The following ITFG1 variants were observed in gnomAD, a reference collection of about 807,000 sequenced individuals.
The protein encoded by ITFG1 is integrin alpha FG-GAP repeat containing 1, also known as T-cell immunomodulatory protein.
A neutral mutation model predicts 81.8 loss-of-function variants in ITFG1; 34 were observed. That is an observed-to-expected ratio of 0.42 (90% CI 0.32 to 0.55). ITFG1 has a LOEUF of 0.55. Ranked by LOEUF, ITFG1 falls within the 20% of genes least tolerant of loss-of-function variation. ITFG1 has a pLI of 0.17. For missense variants in ITFG1, 672 were observed against 755.4 expected, an observed-to-expected ratio of 0.89 and a Z score of 1.29; for synonymous variants, 285 against 270.6, an observed-to-expected ratio of 1.05 and a Z score of -0.52.
intron 6 of ITFG1, among the ~76,000 whole-genome samples, chr16:47,414,270 T>TA (rs1194226053): frequency 2.6e-5 from 4 of 151,670 alleles, no homozygotes; most frequent in South Asian, 2.1e-4. Context: ...TTTTTTTTTT[T>TA]ATCCCAGTTC....
intron 10 of ITFG1, among the ~76,000 whole-genome samples, chr16:47,264,545 T>TACACAC (rs60424367): frequency 0.016 from 2,118 of 136,092 alleles, 35 homozygotes; most frequent in African/African-American, 0.036. Context: ...TGTTCTCTAT[T>TACACAC]ACACACACAC....
intron 8 of ITFG1, among the ~76,000 whole-genome samples, chr16:47,325,378 A>G (rs1172923130): frequency 1.3e-5 from 2 of 152,250 alleles, no homozygotes; most frequent in African/African-American, 4.8e-5. Flanking sequence ...AGCAGGAAAG[A>G]TCTAAAATTG....
rs577367150 is a variant in ITFG1 at position 47,443,224 on chromosome 16, T to C, written c.560+8172A>G. Among the ~76,000 whole-genome samples the C allele has an allele frequency of 1.1e-4, 17 of 152,152 alleles. No homozygotes were observed. The South Asian group carries it at 2.9e-3, about 26-fold the overall frequency. The stretch of plus-strand genomic sequence containing the variant: ...TACCATTTCATACCAGGTAGAATGG[T>C]GATCATTAAAAAGTCAGGAAACAAC... On this transcript the variant is annotated intron_variant, in intron 5 of 17. Coordinates refer to ENST00000320640, the MANE Select transcript of ITFG1 (RefSeq NM_030790.5).
intron 5 of ITFG1, among the ~76,000 whole-genome samples, chr16:47,450,685 A>C (rs962368038): frequency 2.8e-4 from 43 of 152,348 alleles, no homozygotes; most frequent in African/African-American, 1.0e-3. Context: ...AAAAGTAAAT[A>C]AATGTGTTCT....
At chr16:47,418,358 G>A (rs1968899126) in intron 6 of ITFG1, among the ~76,000 whole-genome samples, 1 of 151,954 alleles carries the variant, frequency 6.6e-6, no homozygotes, top group African/African-American at 2.4e-5. Context: ...TTTCCTTTGA[G>A]GTGCAGAAGC....
At position 47,314,696 on chromosome 16, in the gene ITFG1, T is replaced by G. The variant is rs533221570; in HGVS notation, c.803-873A>C. Reference sequence around the variant, plus strand: ...TTTTGATGTCGCAGAGTTAAGTCTCTTTATGTGGACATTCACAATGCACAG... The same window carrying G: ...TTTTGATGTCGCAGAGTTAAGTCTCGTTATGTGGACATTCACAATGCACAG... On this transcript the variant is annotated intron_variant, in intron 8 of 17. Transcript: ENST00000320640. Among the ~76,000 whole-genome samples the G allele has an allele frequency of 2.0e-5, 3 of 152,324 alleles. No individual in the cohort carries two copies. In the East Asian group the frequency reaches 5.8e-4, roughly 29 times the overall value.
At chr16:47,410,428 T>C (rs988755058) in intron 6 of ITFG1, among the ~76,000 whole-genome samples, 1 of 151,686 alleles carries the variant, frequency 6.6e-6, no homozygotes, top group Non-Finnish European at 1.5e-5. Flanking sequence ...AAATAAGATA[T>C]AGAGTGATTC....
intron 8 of ITFG1, among the ~76,000 whole-genome samples, chr16:47,353,303 T>C (rs577267118): frequency 3.9e-5 from 6 of 151,990 alleles, no homozygotes; most frequent in South Asian, 2.1e-4. Context: ...ATAAATGAGA[T>C]TGACAATAAT....
At chr16:47,291,123 C>A (rs1966899984) in intron 10 of ITFG1, among the ~76,000 whole-genome samples, 2 of 151,996 alleles carry the variant, frequency 1.3e-5, no homozygotes, top group African/African-American at 4.8e-5. Context: ...TTCTCTCTCT[C>A]TCTGCTGAAC....
At chr16:47,222,720 AGT>A (rs1187658051) in intron 13 of ITFG1, among the ~76,000 whole-genome samples, 2 of 152,134 alleles carry the variant, frequency 1.3e-5, no homozygotes, top group African/African-American at 4.8e-5. Flanking sequence ...GCCTTGAGTG[AGT>A]TTCTTAATCC....
intron 14 of ITFG1, among the ~76,000 whole-genome samples, chr16:47,182,542 T>A (rs1965140867): frequency 6.6e-6 from 1 of 152,230 alleles, no homozygotes; most frequent in South Asian, 2.1e-4. Context: ...TTAGTGAATG[T>A]ACACTGTATG....
At chr16:47,163,039 T>C (rs1964833633) in intron 14 of ITFG1, among the ~76,000 whole-genome samples, 1 of 152,186 alleles carries the variant, frequency 6.6e-6, no homozygotes, top group African/African-American at 2.4e-5. Flanking sequence ...TGGGCTCAAG[T>C]GATCCCCCTG....
chr16:47,451,637 T>A (rs1338316677), intron 4 of ITFG1, among the ~76,000 whole-genome samples, 167 bp from the exon 5 acceptor site: 1 of 152,146 alleles, frequency 6.6e-6, no homozygotes, highest in Non-Finnish European at 1.5e-5. Context: ...ATGTGTCACT[T>A]TTAGGCCAAA....
At chr16:47,160,895 T>C (rs1181648968) in intron 16 of ITFG1, among the ~76,000 whole-genome samples, 1 of 152,176 alleles carries the variant, frequency 6.6e-6, no homozygotes, top group Non-Finnish European at 1.5e-5. Flanking sequence ...TGGCAATCAA[T>C]ACATTCGATC....
At chr16:47,230,256 A>G (rs963814838) in intron 13 of ITFG1, among the ~76,000 whole-genome samples, 2 of 152,124 alleles carry the variant, frequency 1.3e-5, no homozygotes, top group African/African-American at 4.8e-5. Flanking sequence ...ATGGACAGAG[A>G]GGTAGGAGGA....
At chr16:47,187,951 A>G (rs1007702806) in intron 14 of ITFG1, among the ~76,000 whole-genome samples, 2 of 152,128 alleles carry the variant, frequency 1.3e-5, no homozygotes, top group African/African-American at 4.8e-5. Context: ...AAGTGGGCGA[A>G]GGACATGAAC....
At chr16:47,332,496 A>G (rs1271618815) in intron 8 of ITFG1, among the ~76,000 whole-genome samples, 1 of 152,206 alleles carries the variant, frequency 6.6e-6, no homozygotes, top group Non-Finnish European at 1.5e-5. Flanking sequence ...TTTCATTTAC[A>G]TATTTTGTTC....
chr16:47,195,981 A>C (rs1487444382), intron 14 of ITFG1, among the ~76,000 whole-genome samples: 1 of 152,056 alleles, frequency 6.6e-6, no homozygotes, highest in African/African-American at 2.4e-5. Flanking sequence ...TTAAAAAGAT[A>C]ATTTTGCTGG....
chr16:47,283,812 C>T (rs1370749446), intron 10 of ITFG1, among the ~76,000 whole-genome samples: 1 of 152,186 alleles, frequency 6.6e-6, no homozygotes, highest in Admixed American at 6.5e-5. Context: ...ACCAGGTTCA[C>T]TCTTGGTACC....
Sources: gnomAD v4.1 joint callset for allele counts (sites outside exome capture counted in the v4.1 genomes callset) on GRCh38, gnomAD v4.1.1 for gene constraint, MANE v1.5 for transcripts, NCBI Gene and HGNC (gene_info 2026-07-23, HGNC 2026-07-21) for gene names.